The following PPP6R3 variants were observed in gnomAD, a reference collection of about 807,000 sequenced individuals.
PPP6R3 encodes the protein protein phosphatase 6 regulatory subunit 3.
In PPP6R3, 38 loss-of-function variants were observed where a neutral mutation model predicts 110.7. The observed-to-expected ratio is 0.34, with a 90% confidence interval of 0.26 to 0.45. The LOEUF (loss-of-function observed/expected upper bound fraction) is 0.45. Ranked by LOEUF, PPP6R3 falls within the 20% of genes least tolerant of loss-of-function variation. PPP6R3 has a pLI of 1.00. For missense variants in PPP6R3, 870 were observed against 1,062.4 expected (o/e 0.82, Z 2.52); for synonymous variants, 369 against 373.5 (o/e 0.99, Z 0.14).
At chr11:68,519,798 G>T (rs561997861) in intron 2 of PPP6R3, 147 bp downstream of exon 2, 3 of 390,410 alleles carry the variant, frequency 7.7e-6, no homozygotes, top group African/African-American at 4.1e-5. Flanking sequence ...TGGTACTGTG[G>T]TATTTTTAGG....
intron 1 of PPP6R3, among the ~76,000 whole-genome samples, chr11:68,462,405 G>T (rs909354589): frequency 6.6e-6 from 1 of 152,014 alleles, no homozygotes; most frequent in Non-Finnish European, 1.5e-5. Context: ...GAGTAGTAGC[G>T]CCTCATAATG....
Position 68,613,911 on chromosome 11 carries a change from T to G in PPP6R3, c.*794T>G, listed in dbSNP as rs1314030847. On this transcript the variant is annotated 3_prime_UTR_variant, in exon 24 of 24. Coordinates refer to ENST00000393800, the MANE Select transcript of PPP6R3 (RefSeq NM_001164161.2). ...TTGTGTTTTGGGATTTTTTTTTTTT[T>G]TTTTTGGCTTTTGTTTTTGTTTGTT... The G allele has an allele frequency of 1.0e-6, 1 of 984,604 alleles. No individual in the cohort carries two copies. Among genetic ancestry groups the G allele is most frequent in the Non-Finnish European group, 1.2e-6 (1 of 829,040 alleles). The allele number at this position is 984,604 out of a possible 1,614,324, so 61.0% of individuals were successfully genotyped here. A position where few individuals can be genotyped will look rare whatever the true frequency, so the allele number is the denominator to read the frequency against.
intron 1 of PPP6R3, among the ~76,000 whole-genome samples, chr11:68,474,088 G>T (rs1206666033): frequency 3.4e-5 from 5 of 148,850 alleles, no homozygotes; most frequent in African/African-American, 1.2e-4. Context: ...TGTCACCTAG[G>T]TTGAAGTGCA....
chr11:68,548,760 G>A (rs1457537970), intron 5 of PPP6R3, among the ~76,000 whole-genome samples: 1 of 152,170 alleles, frequency 6.6e-6, no homozygotes, highest in Non-Finnish European at 1.5e-5. Context: ...TGATTTTTAG[G>A]ATGTGTGCCT....
intron 13 of PPP6R3, 115 bp from the exon 14 acceptor site, chr11:68,575,843 G>T: frequency 1.5e-6 from 1 of 672,466 alleles, no homozygotes. Context: ...GATAGGGCCT[G>T]CTCACCATTG....
chr11:68,591,820 T>G (rs1237521425), intron 18 of PPP6R3, 114 bp downstream of exon 18: 4 of 1,287,888 alleles, frequency 3.1e-6, no homozygotes, highest in African/African-American at 1.5e-5. Context: ...AAACCAGTGT[T>G]TTTTTTTGTC....
At chr11:68,537,322 T>C (rs2099276131) in intron 2 of PPP6R3, among the ~76,000 whole-genome samples, 1 of 152,170 alleles carries the variant, frequency 6.6e-6, no homozygotes, top group South Asian at 2.1e-4. Flanking sequence ...GATATTCTGT[T>C]TTTCACCCTT....
chr11:68,466,677 A>G (rs1315832471), intron 1 of PPP6R3, among the ~76,000 whole-genome samples: 5 of 141,702 alleles, frequency 3.5e-5, no homozygotes, highest in African/African-American at 8.0e-5. Context: ...CAGTGGCGCT[A>G]TCTCGGCTCA....
At chr11:68,506,412 CTCAAAAAAAA>C (rs2099076956) in intron 1 of PPP6R3, among the ~76,000 whole-genome samples, 1 of 28,480 alleles carries the variant, frequency 3.5e-5, no homozygotes, top group African/African-American at 1.2e-4. Flanking sequence ...GCCCTTTATA[CTCAAAAAAAA>C]AAAAAAAAAA....
intron 5 of PPP6R3, chr11:68,550,853 A>T (rs980813232): frequency 5.8e-6 from 2 of 347,548 alleles, no homozygotes; most frequent in Admixed American, 4.7e-5. Flanking sequence ...TCTGGAGGTG[A>T]CCTCATGGCT....
At chr11:68,602,578 A>G (rs1213229453) in intron 21 of PPP6R3, among the ~76,000 whole-genome samples, 1 of 152,180 alleles carries the variant, frequency 6.6e-6, no homozygotes, top group Non-Finnish European at 1.5e-5. Flanking sequence ...AGGTGGGCTT[A>G]AGGAGTGAGT....
intron 1 of PPP6R3, among the ~76,000 whole-genome samples, chr11:68,519,042 A>G (rs527493415): frequency 1.3e-5 from 2 of 152,372 alleles, no homozygotes; most frequent in Admixed American, 6.5e-5. Context: ...CTAGAACTTC[A>G]GTGATCTTAA....
intron 1 of PPP6R3, among the ~76,000 whole-genome samples, chr11:68,516,793 G>C (rs1263291068): frequency 6.6e-6 from 1 of 152,124 alleles, no homozygotes; most frequent in African/African-American, 2.4e-5. Flanking sequence ...CACAGCTGCT[G>C]TACCATTTTG....
rs1263800067 is a variant in PPP6R3 at position 68,554,017 on chromosome 11, CT to C, written c.619-124del. On this transcript the variant is annotated intron_variant, in intron 6 of 23. Transcript: ENST00000393800. The stretch of plus-strand genomic sequence containing the variant: ...TGATGTGATCTCTCTTGGCCTTGAC[CT>C]TTTGCGCACTGAAGCTTATGGCCAG... The C allele has an allele frequency of 1.0e-5, 7 of 672,244 alleles. No individual in the cohort carries two copies. In the African/African-American group the frequency reaches 1.1e-4, roughly 10 times the overall value. 41.6% of individuals were successfully genotyped at this position (672,244 alleles called of 1,614,324 possible). A position where few individuals can be genotyped will look rare whatever the true frequency, so the allele number is the denominator to read the frequency against.
At chr11:68,491,446 G>A (rs1462403197) in intron 1 of PPP6R3, among the ~76,000 whole-genome samples, 1 of 151,094 alleles carries the variant, frequency 6.6e-6, no homozygotes, top group African/African-American at 2.4e-5. Flanking sequence ...CTAGGTGCAA[G>A]GATCCTCCCA....
At chr11:68,541,043 A>G (rs1028353565) in intron 3 of PPP6R3, among the ~76,000 whole-genome samples, 2 of 152,366 alleles carry the variant, frequency 1.3e-5, no homozygotes, top group Middle Eastern at 3.4e-3. Context: ...AGGAAAGCAC[A>G]AGGGTATTGA....
chr11:68,548,746 A>T (rs191182499), intron 5 of PPP6R3, among the ~76,000 whole-genome samples: 7 of 152,296 alleles, frequency 4.6e-5, no homozygotes, highest in Admixed American at 2.0e-4. Flanking sequence ...ATGTAGACAG[A>T]TGGTGATTTT....
chr11:68,611,980 T>C (rs1204672154), intron 23 of PPP6R3, among the ~76,000 whole-genome samples: 1 of 152,226 alleles, frequency 6.6e-6, no homozygotes, highest in Non-Finnish European at 1.5e-5. Flanking sequence ...AAGCATGTCC[T>C]TTGTGCTTCT....
rs115794993 is a variant in PPP6R3, at chr11:68,544,520, G to A, written c.228-318G>A. Among the ~76,000 whole-genome samples, 409 of 152,302 alleles carry A rather than the reference G, an allele frequency of 2.7e-3. 4 individuals carry two copies. The highest frequency in any genetic ancestry group is 8.6e-3 in the African/African-American group (356 of 41,570). On this transcript the variant is annotated intron_variant, in intron 3 of 23. Coordinates refer to ENST00000393800, the MANE Select transcript of PPP6R3 (RefSeq NM_001164161.2). ...AGCCTGATGGCTCGTACGTCCAGCC[G>A]CTTTCCTCGCTGATCGTGGAGAAGG...
Sources: allele counts gnomAD v4.1 joint callset (sites outside exome capture counted in the v4.1 genomes callset), GRCh38; gene constraint gnomAD v4.1.1; transcripts MANE v1.5; gene names NCBI Gene and HGNC (gene_info 2026-07-23, HGNC 2026-07-21).